Variants in NR5A2 observed in about 807,000 individuals in gnomAD.
NR5A2 encodes the protein CYP7A promoter-binding factor.
A neutral mutation model predicts 62.7 loss-of-function variants in NR5A2; 26 were observed. The ratio of observed to expected loss-of-function variants is 0.41; its 90% confidence interval spans 0.30 to 0.58. The LOEUF is 0.58. NR5A2 is among the 20% of genes least tolerant of loss of function. The pLI is 0.22. For synonymous variants in NR5A2, 246 were observed against 241.7 expected (o/e 1.02, Z -0.16); for missense variants, 541 against 669.1 (o/e 0.81, Z 2.11).
chr1:200,099,257 C>T lies in NR5A2; in HGVS notation c.1111-11945C>T, dbSNP rs1179866422. On this transcript the variant is annotated intron_variant, in intron 5 of 7. Transcript: ENST00000367362. ...TTTGGTGAGTAATATTTAGGCCACT[C>T]GAATTCTTTTCTCCTTTCTTTGGCC... 5.3e-5 allele frequency among the ~76,000 whole-genome samples: 8 copies of T among 152,170 alleles called. 1 individual carries two copies. Among genetic ancestry groups the T allele is most frequent in the African/African-American group, 1.4e-4 (6 of 41,514 alleles).
intron 5 of NR5A2, among the ~76,000 whole-genome samples, chr1:200,106,742 CCCCCAT>C (rs1345558214): frequency 3.3e-5 from 5 of 152,140 alleles, no homozygotes; most frequent in Non-Finnish European, 5.9e-5. Context: ...TCTACCCACA[CCCCCAT>C]AACTCTGTTT....
chr1:200,133,512 TATATATATATATATACACACAC>T (rs1473481516), intron 7 of NR5A2, among the ~76,000 whole-genome samples: 2 of 111,780 alleles, frequency 1.8e-5, no homozygotes, highest in African/African-American at 7.4e-5. Context: ...GGACTATATA[TATATATATATATATACACACAC>T]ATATATATAT....
chr1:200,168,918 C>A (rs1654040371), intron 7 of NR5A2, among the ~76,000 whole-genome samples: 1 of 152,158 alleles, frequency 6.6e-6, no homozygotes, highest in Non-Finnish European at 1.5e-5. Context: ...GAGGAAAGGG[C>A]CTTCTGAGGG....
chr1:200,117,193 T>C (rs1210773798), intron 6 of NR5A2, among the ~76,000 whole-genome samples: 1 of 152,182 alleles, frequency 6.6e-6, no homozygotes, highest in Non-Finnish European at 1.5e-5. Context: ...ACTAAGTACA[T>C]AAAAGACAAG....
Position 200,071,399 on chromosome 1 carries a change from T to C in NR5A2, c.1110+22581T>C, listed in dbSNP as rs539887925. On this transcript the variant is annotated intron_variant, in intron 5 of 7. Transcript: ENST00000367362. ...TGGTTTCTGAGCTAAGAGGTGTTTA[T>C]GTAGCATCAACTTTATCGAAACAAA... Among the ~76,000 whole-genome samples, 259 of 152,302 alleles carry C rather than the reference T, an allele frequency of 1.7e-3. 1 individual carries two copies. The highest frequency in any genetic ancestry group is 6.0e-3 in the African/African-American group (249 of 41,584).
chr1:200,084,850 C>T (rs1053394948), intron 5 of NR5A2, among the ~76,000 whole-genome samples: 11 of 152,156 alleles, frequency 7.2e-5, no homozygotes, highest in African/African-American at 2.7e-4. Context: ...AAAACAAATA[C>T]ATTTATCAAA....
chr1:200,156,794 A>G (rs1392224090), intron 7 of NR5A2, among the ~76,000 whole-genome samples: 1 of 152,224 alleles, frequency 6.6e-6, no homozygotes, highest in Admixed American at 6.5e-5. Context: ...ATTTTGTCCA[A>G]CTGTGGGCTA....
At chr1:200,161,965 G>A (rs1477919851) in intron 7 of NR5A2, among the ~76,000 whole-genome samples, 1 of 152,200 alleles carries the variant, frequency 6.6e-6, no homozygotes, top group Non-Finnish European at 1.5e-5. Flanking sequence ...ATGCAATCTA[G>A]CAGGAGAGGC....
chr1:200,150,480 A>G (rs1254215855), intron 7 of NR5A2, among the ~76,000 whole-genome samples: 1 of 152,212 alleles, frequency 6.6e-6, no homozygotes, highest in African/African-American at 2.4e-5. Flanking sequence ...AATAATTCAT[A>G]CATTTGATGG....
At chr1:200,110,689 G>A (rs1305612888) in intron 5 of NR5A2, among the ~76,000 whole-genome samples, 2 of 152,292 alleles carry the variant, frequency 1.3e-5, no homozygotes, top group Non-Finnish European at 2.9e-5. Flanking sequence ...AACGGGCTGT[G>A]TGTCTTTGTC....
chr1:200,034,207 C>T (rs77300386), intron 1 of NR5A2, among the ~76,000 whole-genome samples: 3 of 152,190 alleles, frequency 2.0e-5, no homozygotes, highest in African/African-American at 7.2e-5. Context: ...TTGTGGCCTA[C>T]TAGCGCCGGG....
chr1:200,040,029 A>G (rs1445052442), intron 2 of NR5A2, among the ~76,000 whole-genome samples: 1 of 152,200 alleles, frequency 6.6e-6, no homozygotes, highest in East Asian at 1.9e-4. Context: ...AATTAAGGAA[A>G]GAGAGGCTTC....
intron 7 of NR5A2, among the ~76,000 whole-genome samples, chr1:200,131,166 G>T (rs1666954970): frequency 6.6e-6 from 1 of 152,108 alleles, no homozygotes; most frequent in South Asian, 2.1e-4. Context: ...TAGAGATTTG[G>T]CAGAAGCAAA....
chr1:200,029,074 C>T, intron 1 of NR5A2: 1 of 447,280 alleles, frequency 2.2e-6, no homozygotes, highest in Non-Finnish European at 4.5e-6. Flanking sequence ...GAGAGAGCAG[C>T]ACACAACCAT....
intron 1 of NR5A2, among the ~76,000 whole-genome samples, chr1:200,036,021 G>C (rs1049982385): frequency 1.1e-4 from 16 of 152,184 alleles, no homozygotes; most frequent in Non-Finnish European, 2.1e-4. Flanking sequence ...TCCTAAGTGT[G>C]CTTACACTAA....
At chr1:200,106,634 C>CGGGA (rs1197393825) in intron 5 of NR5A2, among the ~76,000 whole-genome samples, 3 of 152,122 alleles carry the variant, frequency 2.0e-5, no homozygotes, top group Admixed American at 6.5e-5. Flanking sequence ...GTCTTCTTCC[C>CGGGA]AGAACTGCCT....
intron 5 of NR5A2, among the ~76,000 whole-genome samples, chr1:200,104,468 G>C (rs1665547844): frequency 6.6e-6 from 1 of 152,064 alleles, no homozygotes; most frequent in African/African-American, 2.4e-5. Flanking sequence ...AGTTGATTTT[G>C]ATTTGTTTGG....
chr1:200,042,725 C>A, intron 2 of NR5A2: 1 of 844,804 alleles, frequency 1.2e-6, no homozygotes, highest in Non-Finnish European at 1.4e-6. Context: ...CGCCCACCCG[C>A]GCCCCGCGCT....
At chr1:200,155,917 A>G (rs961606513) in intron 7 of NR5A2, among the ~76,000 whole-genome samples, 1 of 151,972 alleles carries the variant, frequency 6.6e-6, no homozygotes, top group Non-Finnish European at 1.5e-5. Context: ...CAAGTGATCC[A>G]CCCGCTTAGT....
Sources: allele counts gnomAD v4.1 joint callset (sites outside exome capture counted in the v4.1 genomes callset), GRCh38; gene constraint gnomAD v4.1.1; transcripts MANE v1.5; gene names NCBI Gene and HGNC (gene_info 2026-07-23, HGNC 2026-07-21).